The following SBF2 variants were observed in gnomAD, a reference collection of about 807,000 sequenced individuals.
SBF2 encodes myotubularin-related protein 13.
A neutral mutation model predicts 225.2 loss-of-function variants in SBF2; 112 were observed. The observed-to-expected ratio is 0.50, with a 90% confidence interval of 0.43 to 0.58. The LOEUF is 0.58. SBF2 is among the 20% of genes least tolerant of loss of function. SBF2 has a pLI of 0.00. For synonymous variants in SBF2, 763 were observed against 773.3 expected (o/e 0.99, Z 0.22); for missense variants, 1,996 against 2,206.2 (o/e 0.90, Z 1.91).
intron 17 of SBF2, among the ~76,000 whole-genome samples, chr11:9,862,396 TTGGGCTA>T (rs1857829109): frequency 6.6e-6 from 1 of 152,184 alleles, no homozygotes; most frequent in Admixed American, 6.5e-5. Flanking sequence ...TGCAGTCAGC[TTGGGCTA>T]GAAAGTGGGT....
intron 9 of SBF2, among the ~76,000 whole-genome samples, chr11:9,997,373 T>A (rs1231446930): frequency 1.3e-5 from 2 of 152,160 alleles, no homozygotes; most frequent in East Asian, 3.8e-4. Flanking sequence ...TGCAAAAAAA[T>A]TTAAATTTGT....
intron 13 of SBF2, among the ~76,000 whole-genome samples, chr11:9,982,249 G>C (rs1462510250): frequency 6.6e-6 from 1 of 152,156 alleles, no homozygotes; most frequent in African/African-American, 2.4e-5. Flanking sequence ...CCAAAGCAGA[G>C]GACACTGGTC....
chr11:10,128,803 C>T (rs1953885552), intron 2 of SBF2, among the ~76,000 whole-genome samples: 2 of 152,272 alleles, frequency 1.3e-5, no homozygotes, highest in South Asian at 4.2e-4. Flanking sequence ...TAGAAAGTTG[C>T]AAACATTTCA....
intron 1 of SBF2, among the ~76,000 whole-genome samples, chr11:10,259,195 G>A (rs1961189961): frequency 1.3e-5 from 2 of 152,312 alleles, no homozygotes; most frequent in Non-Finnish European, 2.9e-5. Flanking sequence ...CAAGTCAGGT[G>A]TTAAGAGCAC....
At chr11:9,808,714 C>CA (rs766427367) in intron 31 of SBF2, 187 bp downstream of exon 31, 18 of 520,860 alleles carry the variant, frequency 3.5e-5, no homozygotes, top group Non-Finnish European at 4.9e-5. Flanking sequence ...GCCAGAGCTC[C>CA]AGGCTGCGTA....
chr11:10,178,251 C>T (rs1225576145), intron 2 of SBF2, among the ~76,000 whole-genome samples: 3 of 150,706 alleles, frequency 2.0e-5, no homozygotes, highest in Admixed American at 1.3e-4. Flanking sequence ...TAGAAGAAAA[C>T]CTAGGCAATA....
chr11:10,088,589 A>G (rs1951666349), intron 2 of SBF2, among the ~76,000 whole-genome samples: 1 of 152,218 alleles, frequency 6.6e-6, no homozygotes, highest in Admixed American at 6.5e-5. Flanking sequence ...CAGAGACTAC[A>G]TGATGAGAGA....
At chr11:9,983,472 A>G (rs1947048668) in intron 13 of SBF2, among the ~76,000 whole-genome samples, 1 of 152,050 alleles carries the variant, frequency 6.6e-6, no homozygotes, top group Non-Finnish European at 1.5e-5. Context: ...CTCCTTCCCA[A>G]CCTGATGGTC....
At chr11:9,793,021 G>A (rs995213049) in intron 33 of SBF2, among the ~76,000 whole-genome samples, 7 of 147,130 alleles carry the variant, frequency 4.8e-5, no homozygotes, top group South Asian at 4.4e-4. Flanking sequence ...CAAGCAAGCC[G>A]CCCACCTCAG....
intron 33 of SBF2, among the ~76,000 whole-genome samples, chr11:9,792,515 A>G (rs904726384): frequency 3.3e-5 from 5 of 152,098 alleles, no homozygotes; most frequent in Admixed American, 6.5e-5. Context: ...TGGCAGATAG[A>G]GGGTAGTTAC....
At chr11:10,207,726 T>C (rs1477362630) in intron 1 of SBF2, among the ~76,000 whole-genome samples, 1 of 151,992 alleles carries the variant, frequency 6.6e-6, no homozygotes, top group Non-Finnish European at 1.5e-5. Flanking sequence ...TACTTCCTTT[T>C]CTATGGGAAA....
intron 2 of SBF2, among the ~76,000 whole-genome samples, chr11:10,127,256 A>C (rs1222415914): frequency 6.6e-6 from 1 of 152,132 alleles, no homozygotes; most frequent in East Asian, 1.9e-4. Context: ...TACTACCTGG[A>C]ATTAAAGATT....
chr11:10,176,718 G>A lies in SBF2; in HGVS notation c.141+17184C>T, dbSNP rs899175238. On this transcript the variant is annotated intron_variant, in intron 2 of 39. Transcript: ENST00000256190. The stretch of plus-strand genomic sequence containing the variant: ...TAATCAATAGCTTACCAACCAAAAA[G>A]AGTCCAGGACCAGATGGATTCACAG... Among the ~76,000 whole-genome samples, 10 of 152,152 alleles carry A rather than the reference G, an allele frequency of 6.6e-5. No homozygotes were observed. In the South Asian group the frequency reaches 8.3e-4, roughly 13 times the overall value.
At position 9,867,488 on chromosome 11, in the gene SBF2, C is replaced by A. The variant is rs544819960; in HGVS notation, c.1930-9092G>T. On this transcript the variant is annotated intron_variant, in intron 17 of 39. Transcript: ENST00000256190. The stretch of plus-strand genomic sequence containing the variant: ...TTATGCAAAAACAGTAGTGAGATTC[C>A]TTAAAAAACTAACAGTAGATCTACC... Among the ~76,000 whole-genome samples, 16 of 152,186 alleles carry A rather than the reference C, an allele frequency of 1.1e-4. No individual in the cohort carries two copies. In the South Asian group the frequency reaches 3.3e-3, roughly 32 times the overall value.
At chr11:10,225,255 T>C (rs1310364977) in intron 1 of SBF2, among the ~76,000 whole-genome samples, 4 of 151,938 alleles carry the variant, frequency 2.6e-5, no homozygotes, top group Admixed American at 2.6e-4. Context: ...ATATACCAAT[T>C]TGAGAATATT....
At chr11:9,875,885 A>G (rs950244210) in intron 17 of SBF2, among the ~76,000 whole-genome samples, 1 of 151,796 alleles carries the variant, frequency 6.6e-6, no homozygotes, top group Non-Finnish European at 1.5e-5. Context: ...ACACAAACAC[A>G]TAACACTCGT....
At chr11:10,086,228 C>T (rs577082357) in intron 2 of SBF2, among the ~76,000 whole-genome samples, 3 of 151,884 alleles carry the variant, frequency 2.0e-5, no homozygotes, top group African/African-American at 7.2e-5. Flanking sequence ...CCTTTTTTAT[C>T]TTTTCATATG....
At chr11:10,159,784 G>T (rs1418531158) in intron 2 of SBF2, among the ~76,000 whole-genome samples, 2 of 152,162 alleles carry the variant, frequency 1.3e-5, no homozygotes, top group East Asian at 3.9e-4. Context: ...CAGCTACTCA[G>T]GGGGCTGAGG....
At chr11:9,801,780 T>A (rs79718195) in intron 32 of SBF2, among the ~76,000 whole-genome samples, 1 of 152,248 alleles carries the variant, frequency 6.6e-6, no homozygotes, top group Non-Finnish European at 1.5e-5. Context: ...GCAGAAACTC[T>A]TGAATATACC....
Sources: gnomAD v4.1 joint callset for allele counts (sites outside exome capture counted in the v4.1 genomes callset) on GRCh38, gnomAD v4.1.1 for gene constraint, MANE v1.5 for transcripts, NCBI Gene and HGNC (gene_info 2026-07-23, HGNC 2026-07-21) for gene names.